Variants in NOL4 observed in about 807,000 individuals in gnomAD.
NOL4 encodes the protein cancer/testis antigen 125.
In NOL4, 17 loss-of-function variants were observed where a neutral mutation model predicts 75.9. The ratio of observed to expected loss-of-function variants is 0.22; its 90% CI spans 0.15 to 0.34. The LOEUF is 0.34. NOL4 is among the 10% of genes least tolerant of loss of function. The pLI is 1.00. For synonymous variants in NOL4, 292 were observed against 289.9 expected (o/e 1.01, Z -0.07); for missense variants, 614 against 793.5 (o/e 0.77, Z 2.72).
At chr18:33,990,679 C>T (rs2072854323) in intron 6 of NOL4, among the ~76,000 whole-genome samples, 1 of 152,060 alleles carries the variant, frequency 6.6e-6, no homozygotes, top group African/African-American at 2.4e-5. Flanking sequence ...ACAGTCCCTG[C>T]TCCTGCCTCT....
chr18:34,064,711 T>A (rs1044069175), intron 5 of NOL4, among the ~76,000 whole-genome samples: 1 of 151,940 alleles, frequency 6.6e-6, no homozygotes, highest in Non-Finnish European at 1.5e-5. Context: ...AATTCAGTTG[T>A]ATTATAGCAA....
At chr18:34,034,545 C>G (rs2075794559) in intron 5 of NOL4, among the ~76,000 whole-genome samples, 1 of 152,126 alleles carries the variant, frequency 6.6e-6, no homozygotes, top group African/African-American at 2.4e-5. Flanking sequence ...TCGAGACCAG[C>G]CTGGCCAACA....
At chr18:34,035,648 T>A (rs1434170813) in intron 5 of NOL4, among the ~76,000 whole-genome samples, 4 of 151,022 alleles carry the variant, frequency 2.6e-5, no homozygotes, top group Non-Finnish European at 5.9e-5. Flanking sequence ...AAAGCAGAAC[T>A]AAATGAAATA....
intron 1 of NOL4, among the ~76,000 whole-genome samples, chr18:34,165,795 CTTT>C (rs1291783625): frequency 2.0e-5 from 3 of 151,592 alleles, no homozygotes; most frequent in Non-Finnish European, 4.4e-5. Flanking sequence ...TTTTCTTCTG[CTTT>C]TTTTAACTTT....
At chr18:33,944,387 C>G (rs905429616) in intron 8 of NOL4, among the ~76,000 whole-genome samples, 2 of 151,806 alleles carry the variant, frequency 1.3e-5, no homozygotes, top group Admixed American at 1.3e-4. Context: ...CAGACCACAC[C>G]GTTTTAACAG....
chr18:34,129,312 C>T (rs2080526283), intron 2 of NOL4, among the ~76,000 whole-genome samples: 1 of 151,706 alleles, frequency 6.6e-6, no homozygotes, highest in Non-Finnish European at 1.5e-5. Flanking sequence ...GGCATTAGAT[C>T]TATTACAATA....
chr18:33,948,157 T>A (rs988613105), intron 8 of NOL4, among the ~76,000 whole-genome samples: 1 of 151,982 alleles, frequency 6.6e-6, no homozygotes, highest in Non-Finnish European at 1.5e-5. Context: ...ACAGTTAATG[T>A]GAAGCTTAAT....
At position 33,872,488 on chromosome 18, in the gene NOL4, T is replaced by C. The variant is rs376116286; in HGVS notation, c.1723+10756A>G. Among the ~76,000 whole-genome samples the C allele has an allele frequency of 1.2e-4, 19 of 152,142 alleles. No homozygotes were observed. The East Asian group carries it at 1.7e-3, about 14-fold the overall frequency. On this transcript the variant is annotated intron_variant, in intron 10 of 10. Transcript: ENST00000261592. ...ATCTCATTGAGGAGTGAATGATATATGATAAATGATTAAATACAAAGAACC... is the reference window on the plus strand; with the variant it reads ...ATCTCATTGAGGAGTGAATGATATACGATAAATGATTAAATACAAAGAACC...
In NOL4 at chr18:34,048,524, C is replaced by A. The variant is rs148044650; in HGVS notation, c.773-28923G>T. On this transcript the variant is annotated intron_variant, in intron 5 of 10. Coordinates refer to ENST00000261592, the MANE Select transcript of NOL4 (RefSeq NM_003787.5). The stretch of plus-strand genomic sequence containing the variant: ...AGATCCAGCATCCCTCAGGCGAGGT[C>A]CAACCTTTCTCTCGAAGTGCACCCA... 106 of 985,462 alleles carry A rather than the reference C, an allele frequency of 1.1e-4. No individual in the cohort carries two copies. In the African/African-American group the frequency reaches 1.7e-3, roughly 16 times the overall value. 61.0% of individuals were successfully genotyped at this position (985,462 alleles called of 1,614,324 possible). A position where few individuals can be genotyped will look rare whatever the true frequency, so the allele number is the denominator to read the frequency against.
At chr18:34,014,115 C>T (rs2074544820) in intron 6 of NOL4, among the ~76,000 whole-genome samples, 1 of 151,604 alleles carries the variant, frequency 6.6e-6, no homozygotes, top group Admixed American at 6.6e-5. Context: ...GTGCTGCTTC[C>T]ATTAATCATA....
At chr18:33,945,055 C>A (rs533510183) in intron 8 of NOL4, among the ~76,000 whole-genome samples, 24 of 151,826 alleles carry the variant, frequency 1.6e-4, no homozygotes, top group African/African-American at 5.5e-4. Context: ...AAAAATAAAA[C>A]AAATTATTTG....
chr18:33,908,963 G>A (rs937132284), intron 9 of NOL4, among the ~76,000 whole-genome samples: 17 of 152,026 alleles, frequency 1.1e-4, no homozygotes, highest in Non-Finnish European at 2.2e-4. Flanking sequence ...TATTGACTAT[G>A]GGTGTAGCGC....
chr18:33,871,227 G>A (rs948873284), intron 10 of NOL4, among the ~76,000 whole-genome samples: 6 of 151,994 alleles, frequency 3.9e-5, no homozygotes, highest in African/African-American at 1.2e-4. Flanking sequence ...AGGGAAAAAC[G>A]AAGACACATT....
chr18:34,179,565 G>A (rs1247556378), intron 1 of NOL4, among the ~76,000 whole-genome samples: 2 of 151,118 alleles, frequency 1.3e-5, no homozygotes, highest in Non-Finnish European at 3.0e-5. Flanking sequence ...AGATTATAAG[G>A]TGATACTACA....
chr18:33,875,860 T>A (rs1024245199), intron 10 of NOL4, among the ~76,000 whole-genome samples: 1 of 152,034 alleles, frequency 6.6e-6, no homozygotes, highest in Non-Finnish European at 1.5e-5. Flanking sequence ...GGAATGCATA[T>A]GTATAATGGG....
intron 9 of NOL4, among the ~76,000 whole-genome samples, chr18:33,909,747 T>G (rs1187775280): frequency 6.6e-6 from 1 of 151,842 alleles, no homozygotes; most frequent in African/African-American, 2.4e-5. Flanking sequence ...TGGGAATATA[T>G]CAACAGAAAA....
chr18:34,155,043 A>G (rs1215278490), intron 1 of NOL4, among the ~76,000 whole-genome samples: 2 of 151,860 alleles, frequency 1.3e-5, no homozygotes, highest in Non-Finnish European at 2.9e-5. Flanking sequence ...TCTTTTGCCA[A>G]TTTGTAACTT....
chr18:34,091,436 A>G (rs2078519869), intron 5 of NOL4, among the ~76,000 whole-genome samples: 1 of 152,072 alleles, frequency 6.6e-6, no homozygotes, highest in Admixed American at 6.6e-5. Flanking sequence ...GGATCCTGCC[A>G]CCATGAGAGG....
rs868156011 is a variant in NOL4 at position 34,218,789 on chromosome 18, G to T, written c.264+4201C>A. Among the ~76,000 whole-genome samples, 6 of 152,290 alleles carry T rather than the reference G, an allele frequency of 3.9e-5. No homozygotes were observed. In the Middle Eastern group the frequency reaches 0.01, roughly 259 times the overall value. On this transcript the variant is annotated intron_variant, in intron 1 of 10. Coordinates refer to ENST00000261592, the MANE Select transcript of NOL4 (RefSeq NM_003787.5). ...ATCTCAGTGACCACTATGATGATTT[G>T]TCTTTGTGTCATAGATACAAAGTAT...
Sources: gnomAD v4.1 joint callset for allele counts (sites outside exome capture counted in the v4.1 genomes callset) on GRCh38, gnomAD v4.1.1 for gene constraint, MANE v1.5 for transcripts, NCBI Gene and HGNC (gene_info 2026-07-23, HGNC 2026-07-21) for gene names.